KIF5A: variants seen among roughly 807,000 people sequenced by gnomAD.
KIF5A encodes kinesin family member 5A.
Under a neutral mutation model 141.3 loss-of-function variants are expected in KIF5A, and 35 were observed. The ratio of observed to expected loss-of-function variants is 0.25; its 90% CI spans 0.19 to 0.33. KIF5A has a LOEUF of 0.33. Among genes scored for constraint, KIF5A ranks in the 10% least tolerant of loss-of-function variants. KIF5A has a pLI of 1.00. For synonymous variants in KIF5A, 448 were observed against 500.2 expected, an observed-to-expected ratio of 0.90 and a Z score of 1.39; for missense variants, 861 against 1,314.3, an observed-to-expected ratio of 0.66 and a Z score of 5.33.
Position 57,572,806 on chromosome 12 carries a change from A to G in KIF5A, c.1716+80A>G, listed in dbSNP as rs1474083476. ...AGATGAGCCATCCAGGCCTTCACAGATACTGAGAAAGGCAGCCAGAGAGCC... is the reference window on the plus strand; with the variant it reads ...AGATGAGCCATCCAGGCCTTCACAGGTACTGAGAAAGGCAGCCAGAGAGCC... On this transcript the variant is annotated intron_variant, in intron 15 of 28. Transcript: ENST00000455537. The surrounding 1 kb of genome is among the most constrained non-coding windows in gnomAD (Gnocchi z 4.2). 2.6e-6 allele frequency: 4 copies of G among 1,536,332 alleles called. No homozygotes were observed. In the African/African-American group the frequency reaches 5.4e-5, roughly 21 times the overall value.
At chr12:57,581,589 G>GT in intron 25 of KIF5A, 21 bp downstream of exon 25, 1 of 1,613,398 alleles carries the variant, frequency 6.2e-7, no homozygotes, top group South Asian at 1.1e-5. Context: ...ACACGTGTGG[G>GT]TTGGAGTCCC....
chr12:57,558,756 G>A (rs936195237), intron 1 of KIF5A, among the ~76,000 whole-genome samples: 11 of 152,128 alleles, frequency 7.2e-5, no homozygotes, highest in Non-Finnish European at 1.2e-4. Context: ...AGCACATAAA[G>A]ATTTATCTCA....
chr12:57,561,845 G>A (rs1379134935), intron 1 of KIF5A, among the ~76,000 whole-genome samples: 2 of 152,160 alleles, frequency 1.3e-5, no homozygotes, highest in South Asian at 2.1e-4. Context: ...TTCATGCAAT[G>A]TTATTGCTAT....
Position 57,567,464 on chromosome 12 carries a change from G to A in KIF5A, c.590-30G>A, listed in dbSNP as rs527892219. ...GAGGACCTCAGTTCTGCAGGGTGGTGCAGGTCCTGTTTCTCCCTTGCTCCT... is the reference window on the plus strand; with the variant it reads ...GAGGACCTCAGTTCTGCAGGGTGGTACAGGTCCTGTTTCTCCCTTGCTCCT... On this transcript the variant is annotated intron_variant, in intron 7 of 28. Transcript: ENST00000455537. 1.8e-5 allele frequency: 29 copies of A among 1,611,652 alleles called. No individual in the cohort carries two copies. In the African/African-American group the frequency reaches 2.9e-4, roughly 16 times the overall value.
Position 57,575,173 on chromosome 12 carries a change from C to T in KIF5A, c.1806C>T (p.Val602=), listed in dbSNP as rs372384530. 1.9e-6 allele frequency: 3 copies of T among 1,613,900 alleles called. No individual in the cohort carries two copies. The African/African-American group carries it at 4.0e-5, about 22-fold the overall frequency. ...SKIKSEVKSV[V]KRCRQLENLQ... The stretch of plus-strand genomic sequence containing the variant: ...TCAAATCAGAAGTCAAGTCTGTGGT[C>T]AAGCGGTGCCGGCAGCTGGAGAACC... The change falls in exon 16 of 29, where the codon GTC becomes GTT. Residue 602 remains valine, a synonymous_variant. Coordinates refer to ENST00000455537, the MANE Select transcript of KIF5A (RefSeq NM_004984.4).
At chr12:57,581,376 T>C in intron 24 of KIF5A, 39 bp from the exon 25 acceptor site, 1 of 1,612,180 alleles carries the variant, frequency 6.2e-7, no homozygotes, top group South Asian at 1.1e-5. Flanking sequence ...AAATGCAGGG[T>C]CATAGCCTCC....
chr12:57,580,826 G>A, intron 23 of KIF5A, 130 bp from the exon 24 acceptor site: 1 of 795,252 alleles, frequency 1.3e-6, no homozygotes, highest in Non-Finnish European at 2.1e-6. Context: ...AAATGACATG[G>A]TCTCCATCTT....
chr12:57,575,528 G>T, intron 16 of KIF5A, 112 bp from the exon 17 acceptor site: 1 of 990,254 alleles, frequency 1.0e-6, no homozygotes, highest in Non-Finnish European at 1.6e-6. Flanking sequence ...CACCCTCATG[G>T]GAAGTGTAGC....
rs1412406719 is a variant in KIF5A at position 57,567,640 on chromosome 12, G to T, written c.714+22G>T. On this transcript the variant is annotated intron_variant, in intron 8 of 28. Transcript: ENST00000455537. ...GAAGGTAGGGGGTCCTGTGGATATG[G>T]GGTGGGTGGAAGCCTTGGCTCTTTT... The T allele has an allele frequency of 3.7e-6, 6 of 1,606,486 alleles. No homozygotes were observed. In the South Asian group the frequency reaches 4.4e-5, roughly 12 times the overall value.
chr12:57,565,447 A>G (rs1260108967), intron 6 of KIF5A, among the ~76,000 whole-genome samples: 24 of 151,478 alleles, frequency 1.6e-4, no homozygotes, highest in Non-Finnish European at 3.2e-4. Context: ...AAGAAAAGAT[A>G]CTGTCTTGAA....
intron 1 of KIF5A, among the ~76,000 whole-genome samples, chr12:57,552,439 G>T (rs1264364160): frequency 6.6e-6 from 1 of 152,118 alleles, no homozygotes; most frequent in Non-Finnish European, 1.5e-5. Flanking sequence ...TGTCTGTTTT[G>T]CCTGATATCT....
rs376614388 is a variant in KIF5A, at chr12:57,578,094, T to G, written c.2433+14T>G. ...CGAGTCAAGAAAGTGAGTGCTGTCC[T>G]TGGGGTTTTGTCAGCCCCCACATCC... On this transcript the variant is annotated intron_variant, in intron 22 of 28. Transcript: ENST00000455537. 2.0e-5 allele frequency: 33 copies of G among 1,611,662 alleles called. No individual in the cohort carries two copies. The highest frequency in any genetic ancestry group is 2.8e-5 in the Non-Finnish European group (33 of 1,177,688).
At position 57,577,723 on chromosome 12, in the gene KIF5A, G is replaced by A. The variant is rs766924686; in HGVS notation, c.2311G>A (p.Glu771Lys). 2.5e-6 allele frequency: 4 copies of A among 1,613,714 alleles called. No homozygotes were observed. The highest frequency in any genetic ancestry group is 2.7e-5 in the African/African-American group (2 of 74,896). Residue 771 changes from glutamate (E) to lysine (K), a missense_variant, in exon 21 of 29, where the codon GAG becomes AAG. This residue lies in a region of KIF5A where 482 missense variants were observed against 661.3 expected (regional missense o/e 0.73). Transcript: ENST00000455537. ...TTTCTCTTGCTACAGATTTCTGTACGAGCGACATGAGCAGTCCAAGCAGGA... is the reference window on the plus strand; with the variant it reads ...TTTCTCTTGCTACAGATTTCTGTACAAGCGACATGAGCAGTCCAAGCAGGA... ...TKLQELTFLY[E>K]RHEQSKQDLK...
chr12:57,577,372 A>G (rs1882459644), intron 20 of KIF5A, among the ~76,000 whole-genome samples: 1 of 152,204 alleles, frequency 6.6e-6, no homozygotes, highest in Non-Finnish European at 1.5e-5. Flanking sequence ...AAGCAGGTGG[A>G]CTGCTTGAGC....
At chr12:57,579,486 T>C (rs1475163114) in intron 23 of KIF5A, among the ~76,000 whole-genome samples, 10 of 152,180 alleles carry the variant, frequency 6.6e-5, no homozygotes, top group Non-Finnish European at 1.2e-4. Context: ...CCAGCTTATA[T>C]AGTAAATATT....
intron 23 of KIF5A, among the ~76,000 whole-genome samples, chr12:57,578,576 G>A (rs1882500049): frequency 6.6e-6 from 1 of 152,142 alleles, no homozygotes; most frequent in South Asian, 2.1e-4. Flanking sequence ...GCTCAAAGTG[G>A]AATTCCCCAG....
chr12:57,572,532 A>G lies in KIF5A; in HGVS notation c.1570-48A>G. ...GAGAGGCCTCTGCCTGGGCTGGGCA[A>G]GGGAGCAGGAGGATGGCAACAGGAA... On this transcript the variant is annotated intron_variant, in intron 14 of 28. Coordinates refer to ENST00000455537, the MANE Select transcript of KIF5A (RefSeq NM_004984.4). The surrounding 1 kb of genome is among the most constrained non-coding windows in gnomAD (Gnocchi z 4.2). The G allele has an allele frequency of 1.2e-6, 2 of 1,613,326 alleles. No homozygotes were observed. Among genetic ancestry groups the G allele is most frequent in the Non-Finnish European group, 1.7e-6 (2 of 1,179,682 alleles).
At chr12:57,561,637 AAAG>A (rs1333659804) in intron 1 of KIF5A, among the ~76,000 whole-genome samples, 1 of 152,182 alleles carries the variant, frequency 6.6e-6, no homozygotes, top group African/African-American at 2.4e-5. Context: ...AAAGAAATAT[AAAG>A]AAGAAAAGAA....
Position 57,572,287 on chromosome 12 carries a change from T to A in KIF5A, c.1569+20T>A. ...AAGGTGGTAAGTGGTGTGCCAATGG[T>A]CCAACAGCTCCCTGACCACAGAACA... On this transcript the variant is annotated intron_variant, in intron 14 of 28. Transcript: ENST00000455537. This position sits in a 1 kb window ranked among gnomAD's most constrained non-coding sequence, Gnocchi z 4.2. 6 of 1,564,182 alleles carry A rather than the reference T, an allele frequency of 3.8e-6. No individual in the cohort carries two copies. The highest frequency in any genetic ancestry group is 5.2e-6 in the Non-Finnish European group (6 of 1,153,570).
Sources: allele counts gnomAD v4.1 joint callset (sites outside exome capture counted in the v4.1 genomes callset), GRCh38; gene constraint gnomAD v4.1.1; regional missense constraint gnomAD v4.1.1; non-coding constraint Gnocchi (gnomAD v3.1); transcripts MANE v1.5; gene names NCBI Gene and HGNC (gene_info 2026-07-23, HGNC 2026-07-21).